Variants in CORIN observed in about 807,000 individuals in gnomAD.
The protein encoded by CORIN is corin, serine peptidase.
A neutral mutation model predicts 125.3 loss-of-function variants in CORIN; 117 were observed. The observed-to-expected ratio is 0.93, with a 90% confidence interval of 0.80 to 1.09. The LOEUF (loss-of-function observed/expected upper bound fraction) is 1.09, where lower values mean the gene tolerates loss of function less well. Ranked by LOEUF, CORIN falls within the 50% of genes least tolerant of loss-of-function variation. The pLI, the probability that CORIN is intolerant of heterozygous loss-of-function variation, is 0.00. For synonymous variants in CORIN, 450 were observed against 466.4 expected (o/e 0.96, Z 0.45); for missense variants, 1,253 against 1,306.7 (o/e 0.96, Z 0.63).
intron 4 of CORIN, 84 bp from the exon 5 acceptor site, chr4:47,744,667 T>G: frequency 7.8e-7 from 1 of 1,275,212 alleles, no homozygotes. Context: ...AGTTAGCCCC[T>G]GTGTTGTGAT....
chr4:47,635,847 T>C (rs901879968), intron 16 of CORIN, among the ~76,000 whole-genome samples: 1 of 152,186 alleles, frequency 6.6e-6, no homozygotes, highest in Non-Finnish European at 1.5e-5. Flanking sequence ...TCCTGGCATA[T>C]CTAGCTTCAA....
intron 2 of CORIN, among the ~76,000 whole-genome samples, chr4:47,790,581 A>G (rs2109925118): frequency 1.3e-5 from 2 of 152,286 alleles, no homozygotes; most frequent in East Asian, 3.9e-4. Context: ...AGAAAGTCCT[A>G]CAACATTGGG....
At chr4:47,827,475 G>C (rs543926710) in intron 1 of CORIN, among the ~76,000 whole-genome samples, 1 of 152,284 alleles carries the variant, frequency 6.6e-6, no homozygotes, top group Admixed American at 6.5e-5. Context: ...TGCTGGAGGA[G>C]CACCCAGTCA....
At chr4:47,706,731 G>C (rs554895396) in intron 5 of CORIN, 479 of 1,603,604 alleles carry the variant, frequency 3.0e-4, no homozygotes, top group Non-Finnish European at 3.9e-4. Flanking sequence ...AATTCTTACT[G>C]GGTTGGTGAA....
chr4:47,780,307 G>A (rs1560545588), intron 3 of CORIN, among the ~76,000 whole-genome samples: 1 of 152,186 alleles, frequency 6.6e-6, no homozygotes, highest in South Asian at 2.1e-4. Flanking sequence ...TGGCTATTAG[G>A]TTCTTCTTAG....
At chr4:47,708,662 T>A (rs1276269268) in intron 5 of CORIN, among the ~76,000 whole-genome samples, 1 of 152,194 alleles carries the variant, frequency 6.6e-6, no homozygotes, top group East Asian at 1.9e-4. Flanking sequence ...AATGGCTGAC[T>A]CAAGCAAGTG....
chr4:47,616,304 C>CTTTATATT (rs1253823765), intron 19 of CORIN, among the ~76,000 whole-genome samples: 5 of 151,798 alleles, frequency 3.3e-5, no homozygotes, highest in African/African-American at 9.7e-5. Context: ...TATTCACATA[C>CTTTATATT]CTTATATTCA....
chr4:47,642,965 T>A (rs771005898), intron 15 of CORIN, 181 bp downstream of exon 15: 1 of 1,536,126 alleles, frequency 6.5e-7, no homozygotes. Flanking sequence ...AGTAGCTTCG[T>A]GGGGAAATTT....
chr4:47,616,729 T>C (rs935930677), intron 19 of CORIN, among the ~76,000 whole-genome samples: 1 of 152,138 alleles, frequency 6.6e-6, no homozygotes, highest in Non-Finnish European at 1.5e-5. Flanking sequence ...AGACAGTGAC[T>C]GTAGGAAACT....
At chr4:47,832,614 T>A (rs1248824444) in intron 1 of CORIN, among the ~76,000 whole-genome samples, 1 of 151,934 alleles carries the variant, frequency 6.6e-6, no homozygotes, top group East Asian at 1.9e-4. Flanking sequence ...CCTGGTAATT[T>A]TTTTGTATTT....
chr4:47,678,110 G>T (rs1725112602), intron 8 of CORIN, 56 bp from the exon 9 acceptor site: 1 of 1,221,316 alleles, frequency 8.2e-7, no homozygotes, highest in South Asian at 1.2e-5. Context: ...CTCTCAATCT[G>T]CACATCAAAT....
intron 5 of CORIN, among the ~76,000 whole-genome samples, chr4:47,694,234 G>C (rs887631987): frequency 6.6e-6 from 1 of 152,144 alleles, no homozygotes; most frequent in Admixed American, 6.5e-5. Flanking sequence ...ACAAAATACA[G>C]TTTGGCATCG....
At chr4:47,788,872 T>C (rs1053179780) in intron 2 of CORIN, among the ~76,000 whole-genome samples, 1 of 152,236 alleles carries the variant, frequency 6.6e-6, no homozygotes, top group African/African-American at 2.4e-5. Context: ...AGTAATTCCC[T>C]TAAAATTAGT....
chr4:47,625,404 C>A (rs1210588971), intron 17 of CORIN, among the ~76,000 whole-genome samples: 1 of 151,752 alleles, frequency 6.6e-6, no homozygotes, highest in East Asian at 1.9e-4. Context: ...CCAAGTTTAC[C>A]AACTCCCAAT....
At chr4:47,694,726 G>A (rs969687235) in intron 5 of CORIN, among the ~76,000 whole-genome samples, 4 of 152,186 alleles carry the variant, frequency 2.6e-5, no homozygotes, top group African/African-American at 9.6e-5. Flanking sequence ...CACTCAGGAG[G>A]TTCTCGATTA....
chr4:47,700,482 A>G (rs1726234207), intron 5 of CORIN, among the ~76,000 whole-genome samples: 1 of 152,230 alleles, frequency 6.6e-6, no homozygotes, highest in African/African-American at 2.4e-5. Flanking sequence ...AAGATCTTTC[A>G]GGCATATTTT....
intron 20 of CORIN, among the ~76,000 whole-genome samples, chr4:47,601,725 A>T (rs1273639273): frequency 1.3e-5 from 2 of 152,164 alleles, no homozygotes; most frequent in Non-Finnish European, 2.9e-5. Flanking sequence ...GAAAAAAAAC[A>T]GATGCATAGG....
chr4:47,714,829 A>G (rs1433269016), intron 5 of CORIN, among the ~76,000 whole-genome samples: 22 of 152,234 alleles, frequency 1.4e-4, no homozygotes, highest in Admixed American at 1.4e-3. Context: ...CATGATGGAC[A>G]TAATTCCAAA....
At chr4:47,632,008 A>C (rs891540048) in intron 16 of CORIN, among the ~76,000 whole-genome samples, 1 of 152,228 alleles carries the variant, frequency 6.6e-6, no homozygotes, top group Non-Finnish European at 1.5e-5. Flanking sequence ...TTCAAGGCTT[A>C]GGAGAACAGC....
Sources: allele counts gnomAD v4.1 joint callset (sites outside exome capture counted in the v4.1 genomes callset), GRCh38; gene constraint gnomAD v4.1.1; transcripts MANE v1.5; gene names NCBI Gene and HGNC (gene_info 2026-07-23, HGNC 2026-07-21).